The following MNAT1 variants were observed in gnomAD, a reference collection of about 807,000 sequenced individuals.
The protein encoded by MNAT1 is CDK-activating kinase assembly factor MAT1.
A neutral mutation model predicts 42.0 loss-of-function variants in MNAT1; 43 were observed. The ratio of observed to expected loss-of-function variants is 1.02; its 90% confidence interval spans 0.80 to 1.32. The LOEUF (loss-of-function observed/expected upper bound fraction) is 1.32, where lower values mean the gene tolerates loss of function less well. Ranked by LOEUF, MNAT1 falls within the 40% of genes most tolerant of loss-of-function variation. MNAT1 has a pLI of 0.00. For synonymous variants in MNAT1, 118 were observed against 120.0 expected (o/e 0.98, Z 0.11); for missense variants, 306 against 350.4 (o/e 0.87, Z 1.01).
At chr14:60,841,038 A>C (rs764363488) in intron 6 of MNAT1, among the ~76,000 whole-genome samples, 1 of 152,098 alleles carries the variant, frequency 6.6e-6, no homozygotes, top group Non-Finnish European at 1.5e-5. Context: ...GATAATTTCT[A>C]TTTGGCTCTT....
chr14:60,949,515 G>A (rs915765779), intron 7 of MNAT1, among the ~76,000 whole-genome samples: 1 of 152,078 alleles, frequency 6.6e-6, no homozygotes, highest in South Asian at 2.1e-4. Context: ...TAACTCATTA[G>A]AATGTATTTT....
chr14:60,738,773 G>A (rs527987318), intron 1 of MNAT1, among the ~76,000 whole-genome samples: 2 of 152,084 alleles, frequency 1.3e-5, no homozygotes, highest in African/African-American at 4.8e-5. Flanking sequence ...GACCTCAGGT[G>A]ATCCACCCGC....
intron 1 of MNAT1, among the ~76,000 whole-genome samples, chr14:60,773,387 T>C (rs1292185164): frequency 6.6e-6 from 1 of 152,176 alleles, no homozygotes; most frequent in Non-Finnish European, 1.5e-5. Flanking sequence ...GGGCTTGAGA[T>C]ACCAATAATG....
intron 7 of MNAT1, among the ~76,000 whole-genome samples, chr14:60,960,746 A>G (rs2036572054): frequency 1.3e-5 from 2 of 150,694 alleles, no homozygotes; most frequent in Admixed American, 1.3e-4. Context: ...TCCCACCCCC[A>G]TATCCACCCA....
chr14:60,961,355 G>T (rs1392149893), intron 7 of MNAT1, among the ~76,000 whole-genome samples: 2 of 152,166 alleles, frequency 1.3e-5, no homozygotes, highest in Non-Finnish European at 2.9e-5. Flanking sequence ...CATCTTTTGT[G>T]TACTTTCTGC....
chr14:60,841,984 T>A (rs1225148119), intron 6 of MNAT1, among the ~76,000 whole-genome samples: 1 of 152,226 alleles, frequency 6.6e-6, no homozygotes, highest in African/African-American at 2.4e-5. Flanking sequence ...TTTCTTGGTG[T>A]TCAGTAATTT....
At chr14:60,946,492 A>G (rs147673287) in intron 7 of MNAT1, among the ~76,000 whole-genome samples, 112 of 148,456 alleles carry the variant, frequency 7.5e-4, no homozygotes, top group African/African-American at 2.6e-3. Context: ...TGTATCTTTC[A>G]TTTGCTTTAT....
In MNAT1 at chr14:60,757,966, A is replaced by G. The variant is rs187609573; in HGVS notation, c.89+23015A>G. On this transcript the variant is annotated intron_variant, in intron 1 of 7. Transcript: ENST00000261245. ...ACAAAATGTTACAATACACTACAAT[A>G]ATTGTTATGATGAGTGTTGTTGGAA... Among the ~76,000 whole-genome samples, 6 of 152,296 alleles carry G rather than the reference A, an allele frequency of 3.9e-5. No individual in the cohort carries two copies. In the East Asian group the frequency reaches 9.7e-4, roughly 25 times the overall value.
chr14:60,773,315 G>A (rs953002789), intron 1 of MNAT1, among the ~76,000 whole-genome samples: 1 of 152,110 alleles, frequency 6.6e-6, no homozygotes, highest in Non-Finnish European at 1.5e-5. Context: ...GTTTGATGTA[G>A]TGAGTGGAAG....
chr14:60,800,546 C>T (rs575076249), intron 3 of MNAT1, among the ~76,000 whole-genome samples: 2 of 151,936 alleles, frequency 1.3e-5, no homozygotes, highest in Non-Finnish European at 2.9e-5. Flanking sequence ...TCTCAAAAAA[C>T]CAGAAAACAG....
chr14:60,966,224 T>C (rs1190116252), intron 7 of MNAT1, among the ~76,000 whole-genome samples: 3 of 151,946 alleles, frequency 2.0e-5, no homozygotes, highest in Admixed American at 2.0e-4. Flanking sequence ...CCTCATGGAC[T>C]GAAGTGATTC....
At chr14:60,844,006 A>G (rs1175504856) in intron 6 of MNAT1, among the ~76,000 whole-genome samples, 3 of 152,104 alleles carry the variant, frequency 2.0e-5, no homozygotes, top group African/African-American at 4.8e-5. Context: ...GCATGTGAAC[A>G]TTTAGTTGTA....
At chr14:60,779,330 A>G (rs1272676836) in intron 1 of MNAT1, among the ~76,000 whole-genome samples, 1 of 152,184 alleles carries the variant, frequency 6.6e-6, no homozygotes, top group Non-Finnish European at 1.5e-5. Flanking sequence ...GGATCGCTCT[A>G]CTGGCAAGCT....
At chr14:60,794,305 T>C (rs942865036) in intron 1 of MNAT1, among the ~76,000 whole-genome samples, 4 of 152,144 alleles carry the variant, frequency 2.6e-5, no homozygotes, top group African/African-American at 9.7e-5. Context: ...TGGGGTTTAG[T>C]TGATCTTGCT....
chr14:60,900,272 C>T (rs1439234380), intron 7 of MNAT1, among the ~76,000 whole-genome samples: 1 of 152,160 alleles, frequency 6.6e-6, no homozygotes, highest in Non-Finnish European at 1.5e-5. Flanking sequence ...AAAGCTAGAC[C>T]TCTTGTGCCA....
chr14:60,859,376 T>G (rs572037522), intron 6 of MNAT1, among the ~76,000 whole-genome samples: 1 of 152,302 alleles, frequency 6.6e-6, no homozygotes, highest in South Asian at 2.1e-4. Flanking sequence ...TCATTATTTA[T>G]AGACATTCAC....
chr14:60,904,973 T>C (rs2035162317), intron 7 of MNAT1, among the ~76,000 whole-genome samples: 2 of 103,210 alleles, frequency 1.9e-5, no homozygotes, highest in Admixed American at 2.6e-4. Flanking sequence ...TGTTCAGCAG[T>C]TCCTTTTTTT....
intron 7 of MNAT1, among the ~76,000 whole-genome samples, chr14:60,908,066 C>T (rs1328483843): frequency 6.6e-6 from 1 of 151,968 alleles, no homozygotes; most frequent in Non-Finnish European, 1.5e-5. Flanking sequence ...GTAAAAACAA[C>T]CAATTTTAAT....
chr14:60,899,617 G>T (rs1566543706), intron 7 of MNAT1, among the ~76,000 whole-genome samples: 1 of 151,996 alleles, frequency 6.6e-6, no homozygotes, highest in Non-Finnish European at 1.5e-5. Context: ...TTCTTGTGTG[G>T]CCATAGACTG....
Sources: allele counts gnomAD v4.1 joint callset (sites outside exome capture counted in the v4.1 genomes callset), GRCh38; gene constraint gnomAD v4.1.1; transcripts MANE v1.5; gene names NCBI Gene and HGNC (gene_info 2026-07-23, HGNC 2026-07-21).